The following TENM3 variants were observed in gnomAD, a reference collection of about 807,000 sequenced individuals.
TENM3 encodes teneurin transmembrane protein 3, also known as teneurin-3.
In TENM3, 63 loss-of-function variants were observed where a neutral mutation model predicts 255.1. That is an observed-to-expected ratio of 0.25 (90% CI 0.20 to 0.30). TENM3 has a LOEUF of 0.30. Among genes scored for constraint, TENM3 ranks in the 10% least tolerant of loss-of-function variants. The pLI is 1.00. For synonymous variants in TENM3, 1,306 were observed against 1,322.3 expected (o/e 0.99, Z 0.27); for missense variants, 2,929 against 3,461.1 (o/e 0.85, Z 3.86).
At chr4:181,830,885 A>G in the TENM3 span, among the ~76,000 whole-genome samples, 1 of 152,026 alleles carries the variant, frequency 6.6e-6, no homozygotes, top group Non-Finnish European at 1.5e-5. Context: ...AGTTTTTACT[A>G]TTTTCAGTTT....
intron 12 of TENM3, among the ~76,000 whole-genome samples, chr4:182,693,207 T>C (rs1013645042): frequency 2.5e-4 from 38 of 152,308 alleles, no homozygotes; most frequent in Middle Eastern, 3.4e-3. Flanking sequence ...ATCTCTTCTG[T>C]GATACTGAGA....
intron 5 of TENM3, among the ~76,000 whole-genome samples, chr4:182,630,667 A>G (rs1751278453): frequency 6.6e-6 from 1 of 152,212 alleles, no homozygotes; most frequent in Admixed American, 6.5e-5. Flanking sequence ...TTACCTATGT[A>G]ACAAACCTGC....
At chr4:181,605,583 A>AG in the TENM3 span, among the ~76,000 whole-genome samples, 1 of 24,776 alleles carries the variant, frequency 4.0e-5, no homozygotes, top group Non-Finnish European at 1.2e-4. Flanking sequence ...AGAGAAAGAA[A>AG]GGAAAGAAAG....
intron 1 of TENM3, among the ~76,000 whole-genome samples, chr4:182,152,576 A>G (rs1260302362): frequency 6.6e-6 from 1 of 151,876 alleles, no homozygotes; most frequent in African/African-American, 2.4e-5. Context: ...CAATCTCTGA[A>G]TGAAAAGACT....
intron 13 of TENM3, among the ~76,000 whole-genome samples, chr4:182,725,613 T>G (rs2309786): frequency 2.0e-5 from 3 of 147,762 alleles, no homozygotes; most frequent in African/African-American, 7.5e-5. Flanking sequence ...CTCAGTTTCA[T>G]TTGATTTTCT....
At chr4:182,400,513 A>C (rs1015223116) in intron 3 of TENM3, among the ~76,000 whole-genome samples, 1 of 152,212 alleles carries the variant, frequency 6.6e-6, no homozygotes. Flanking sequence ...AGTACTGTTG[A>C]TATTGTAAAG....
chr4:182,644,586 C>T (rs1360549704), intron 5 of TENM3, among the ~76,000 whole-genome samples: 1 of 152,044 alleles, frequency 6.6e-6, no homozygotes, highest in Non-Finnish European at 1.5e-5. Flanking sequence ...GCTGTAATTT[C>T]TCTCACTTTA....
chr4:181,767,129 G>A, the TENM3 span, among the ~76,000 whole-genome samples: 1 of 146,624 alleles, frequency 6.8e-6, no homozygotes, highest in Non-Finnish European at 1.5e-5. Context: ...GCGGGCGCCT[G>A]TAGTCCCAGC....
the TENM3 span, among the ~76,000 whole-genome samples, chr4:181,731,334 G>A: frequency 1.3e-5 from 2 of 152,036 alleles, no homozygotes. Context: ...ATAAACTTCA[G>A]CTAAATTCAA....
chr4:181,935,351 A>G, the TENM3 span, among the ~76,000 whole-genome samples: 1 of 152,254 alleles, frequency 6.6e-6, no homozygotes, highest in African/African-American at 2.4e-5. Flanking sequence ...TCTCCACCTT[A>G]AGCTCTGAGC....
chr4:181,505,529 G>GAT, the TENM3 span, among the ~76,000 whole-genome samples: 1 of 152,062 alleles, frequency 6.6e-6, no homozygotes, highest in Non-Finnish European at 1.5e-5. Context: ...AATTTGCAGT[G>GAT]ATACACCGCA....
chr4:182,512,925 C>T lies in TENM3; in HGVS notation c.512-87999C>T, dbSNP rs1737569167. Among the ~76,000 whole-genome samples, 2 of 152,118 alleles carry T rather than the reference C, an allele frequency of 1.3e-5. 1 individual carries two copies. The highest frequency in any genetic ancestry group is 4.1e-4 in the South Asian group (2 of 4,830). ...TACGTCTATACTGGTACTGTTTTAG[C>T]ACATAAGAAGTGTCAGTAAATATTG... On this transcript the variant is annotated intron_variant, in intron 3 of 27. Transcript: ENST00000511685.
the TENM3 span, among the ~76,000 whole-genome samples, chr4:182,089,984 A>C: frequency 6.6e-6 from 1 of 152,232 alleles, no homozygotes; most frequent in African/African-American, 2.4e-5. Flanking sequence ...GACTCAGTCC[A>C]TCTAATTCCT....
the TENM3 span, among the ~76,000 whole-genome samples, chr4:181,612,573 T>C: frequency 4.6e-5 from 7 of 152,284 alleles, no homozygotes; most frequent in African/African-American, 1.4e-4. Flanking sequence ...GCCAGTATGG[T>C]CTTTATCACC....
At chr4:181,800,598 A>G in the TENM3 span, among the ~76,000 whole-genome samples, 6 of 152,186 alleles carry the variant, frequency 3.9e-5, no homozygotes, top group East Asian at 1.2e-3. Context: ...GCACCACTGC[A>G]CTCCAGCCTG....
chr4:181,622,141 T>G, the TENM3 span, among the ~76,000 whole-genome samples: 1 of 152,180 alleles, frequency 6.6e-6, no homozygotes, highest in Admixed American at 6.5e-5. Flanking sequence ...TTTCTCTGTA[T>G]TAGTCAGTCC....
At chr4:182,524,833 G>C (rs1184636609) in intron 3 of TENM3, among the ~76,000 whole-genome samples, 1 of 82,346 alleles carries the variant, frequency 1.2e-5, no homozygotes, top group Non-Finnish European at 2.3e-5. Flanking sequence ...GTAAAACTCT[G>C]TCTCTACAAA....
At chr4:182,430,751 G>A (rs1231603544) in intron 3 of TENM3, among the ~76,000 whole-genome samples, 1 of 151,880 alleles carries the variant, frequency 6.6e-6, no homozygotes, top group South Asian at 2.1e-4. Flanking sequence ...GGTGGCTCAC[G>A]CCTGTAATCC....
At chr4:182,063,915 G>T in the TENM3 span, among the ~76,000 whole-genome samples, 1 of 152,162 alleles carries the variant, frequency 6.6e-6, no homozygotes, top group Non-Finnish European at 1.5e-5. Context: ...GAAAGTGAAG[G>T]AAGGCATTCA....
Sources: allele counts gnomAD v4.1 joint callset (sites outside exome capture counted in the v4.1 genomes callset), GRCh38; gene constraint gnomAD v4.1.1; transcripts MANE v1.5; gene names NCBI Gene and HGNC (gene_info 2026-07-23, HGNC 2026-07-21).